CORIN: variants seen among roughly 807,000 people sequenced by gnomAD.
CORIN encodes the protein atrial natriuretic peptide-converting enzyme.
CORIN carries 117 observed loss-of-function variants against 125.3 expected under a neutral mutation model. The observed-to-expected ratio is 0.93, with a 90% CI of 0.80 to 1.09. The LOEUF (loss-of-function observed/expected upper bound fraction) is 1.09. Ranked by LOEUF, CORIN falls within the 50% of genes least tolerant of loss-of-function variation. The pLI is 0.00. For missense variants in CORIN, 1,253 were observed against 1,306.7 expected, an observed-to-expected ratio of 0.96 and a Z score of 0.63; for synonymous variants, 450 against 466.4, an observed-to-expected ratio of 0.96 and a Z score of 0.45.
At position 47,790,919 on chromosome 4, in the gene CORIN, T is replaced by G. The variant is rs199820801; in HGVS notation, c.209-3994A>C. Among the ~76,000 whole-genome samples, 12 of 125,938 alleles carry G rather than the reference T, an allele frequency of 9.5e-5. No homozygotes were observed. The South Asian group carries it at 1.5e-3, about 16-fold the overall frequency. 82.6% of individuals were successfully genotyped at this position (125,938 alleles called of 152,430 possible). ...GTTTCAGCTCTATAGCCAAAAAAAA[T>G]GTAATGATATTTAAGAAATAGTATA... is the stretch of plus-strand genomic sequence containing the variant. On this transcript the variant is annotated intron_variant, in intron 2 of 21. Transcript: ENST00000273857.
At chr4:47,692,755 C>T (rs534949979) in intron 6 of CORIN, among the ~76,000 whole-genome samples, 2 of 152,262 alleles carry the variant, frequency 1.3e-5, no homozygotes, top group South Asian at 2.1e-4. Context: ...CGCTGCAATC[C>T]CTCATCTGTT....
chr4:47,771,127 C>T (rs1001923233), intron 3 of CORIN, among the ~76,000 whole-genome samples: 29 of 152,166 alleles, frequency 1.9e-4, no homozygotes, highest in Middle Eastern at 3.4e-3. Context: ...ATAAAGGCAG[C>T]ATTTTGCATT....
At chr4:47,678,105 A>G in intron 8 of CORIN, 51 bp from the exon 9 acceptor site, 1 of 1,255,070 alleles carries the variant, frequency 8.0e-7, no homozygotes, top group South Asian at 1.2e-5. Flanking sequence ...CTTCTCTCTC[A>G]ATCTGCACAT....
At chr4:47,620,294 G>A (rs1324875365) in intron 19 of CORIN, among the ~76,000 whole-genome samples, 1 of 152,122 alleles carries the variant, frequency 6.6e-6, no homozygotes, top group Non-Finnish European at 1.5e-5. Context: ...TAAAATGGCA[G>A]CAAACTGGAA....
At chr4:47,649,831 C>T (rs970399823) in intron 13 of CORIN, among the ~76,000 whole-genome samples, 2 of 152,202 alleles carry the variant, frequency 1.3e-5, no homozygotes, top group African/African-American at 4.8e-5. Flanking sequence ...GAAAATTCCT[C>T]CTGAAAGCAC....
At chr4:47,733,328 GC>G (rs1560524719) in intron 5 of CORIN, among the ~76,000 whole-genome samples, 1 of 152,088 alleles carries the variant, frequency 6.6e-6, no homozygotes, top group African/African-American at 2.4e-5. Context: ...TCTATCTCTA[GC>G]AAAATATTGA....
At chr4:47,807,713 T>C (rs1051622184) in intron 1 of CORIN, among the ~76,000 whole-genome samples, 1 of 152,176 alleles carries the variant, frequency 6.6e-6, no homozygotes, top group Non-Finnish European at 1.5e-5. Context: ...ACAACGACGG[T>C]TCAGATAAAG....
intron 20 of CORIN, among the ~76,000 whole-genome samples, chr4:47,603,040 C>T (rs1057513378): frequency 1.3e-5 from 2 of 152,070 alleles, no homozygotes; most frequent in African/African-American, 4.8e-5. Context: ...TATGGTTTGG[C>T]TGTGTTCCCA....
intron 5 of CORIN, among the ~76,000 whole-genome samples, chr4:47,709,638 AAATAATAAATAAAAT>A (rs1347465507): frequency 1.3e-5 from 2 of 152,216 alleles, no homozygotes; most frequent in Admixed American, 1.3e-4. Flanking sequence ...TTTCCTTTAA[AAATAATAAATAAAAT>A]AAATACCAAT....
intron 8 of CORIN, among the ~76,000 whole-genome samples, chr4:47,679,273 C>G (rs1384471538): frequency 1.3e-5 from 2 of 152,134 alleles, no homozygotes; most frequent in African/African-American, 4.8e-5. Flanking sequence ...AATAGCCATA[C>G]TTGTTATTAG....
At chr4:47,691,533 C>T (rs776201085) in intron 6 of CORIN, among the ~76,000 whole-genome samples, 8 of 152,032 alleles carry the variant, frequency 5.3e-5, no homozygotes, top group African/African-American at 9.7e-5. Flanking sequence ...TGAAGTTCCA[C>T]GGGATGCTAG....
intron 2 of CORIN, among the ~76,000 whole-genome samples, chr4:47,793,662 G>C (rs1413726677): frequency 6.6e-6 from 1 of 152,146 alleles, no homozygotes; most frequent in Non-Finnish European, 1.5e-5. Flanking sequence ...GAGAAACATA[G>C]GTTCTTCATT....
chr4:47,766,314 C>T (rs569928660), intron 3 of CORIN, among the ~76,000 whole-genome samples: 6 of 152,302 alleles, frequency 3.9e-5, no homozygotes, highest in Admixed American at 2.6e-4. Flanking sequence ...AACATAGGCT[C>T]TTTATGTAGC....
At chr4:47,763,725 A>G in intron 3 of CORIN, 139 bp from the exon 4 acceptor site, 1 of 651,678 alleles carries the variant, frequency 1.5e-6, no homozygotes. Context: ...ACATAGGTGC[A>G]TGTAAGTATG....
chr4:47,793,180 C>G (rs1731151894), intron 2 of CORIN, among the ~76,000 whole-genome samples: 1 of 152,110 alleles, frequency 6.6e-6, no homozygotes, highest in Admixed American at 6.6e-5. Flanking sequence ...CCTTTGTGTT[C>G]CCAGAGCACG....
Position 47,595,507 on chromosome 4 carries a change from G to T in CORIN, c.*214C>A. 2.8e-6 allele frequency: 1 copy of T among 352,118 alleles called. No homozygotes were observed. The highest frequency in any genetic ancestry group is 4.6e-5 in the East Asian group (1 of 21,894). The allele number at this position is 352,118 out of a possible 1,614,324, so 21.8% of individuals were successfully genotyped here. Reference sequence around the variant, plus strand: ...AGTCTGCTTTGTTTGCTTTTGTAAAGTCTTTCATTGAACTTGAAATAAGAG... The same window carrying T: ...AGTCTGCTTTGTTTGCTTTTGTAAATTCTTTCATTGAACTTGAAATAAGAG... On this transcript the variant is annotated 3_prime_UTR_variant, in exon 22 of 22. Coordinates refer to ENST00000273857, the MANE Select transcript of CORIN (RefSeq NM_006587.4).
At chr4:47,809,548 G>A (rs1467672258) in intron 1 of CORIN, among the ~76,000 whole-genome samples, 1 of 151,784 alleles carries the variant, frequency 6.6e-6, no homozygotes, top group Non-Finnish European at 1.5e-5. Flanking sequence ...GAGATTATAG[G>A]CACACACCAC....
chr4:47,720,489 C>T (rs10002198), intron 5 of CORIN, among the ~76,000 whole-genome samples: 6,808 of 152,130 alleles, frequency 0.045, 468 homozygotes, highest in African/African-American at 0.15. Context: ...AGGAACATTC[C>T]CAGGAAAAAG....
At position 47,595,922 on chromosome 4, in the gene CORIN, G is replaced by A. The variant is rs772950072; in HGVS notation, c.2947-19C>T. The stretch of plus-strand genomic sequence containing the variant: ...TGTCACCCTGCAATAAGTAACGATG[G>A]GAGTTAGGAACTGGCATTTCAGGGC... On this transcript the variant is annotated intron_variant, in intron 21 of 21. Transcript: ENST00000273857. 19 of 1,595,948 alleles carry A rather than the reference G, an allele frequency of 1.2e-5. No individual in the cohort carries two copies. Among genetic ancestry groups the A allele is most frequent in the Non-Finnish European group, 1.6e-5 (19 of 1,172,812 alleles).
Sources: gnomAD v4.1 joint callset for allele counts (sites outside exome capture counted in the v4.1 genomes callset) on GRCh38, gnomAD v4.1.1 for gene constraint, MANE v1.5 for transcripts, NCBI Gene and HGNC (gene_info 2026-07-23, HGNC 2026-07-21) for gene names.